TAP2: variants seen among roughly 807,000 people sequenced by gnomAD.
TAP2 encodes antigen peptide transporter 2.
TAP2 carries 49 observed loss-of-function variants against 74.7 expected under a neutral mutation model. The observed-to-expected ratio is 0.66, with a 90% confidence interval of 0.52 to 0.83. TAP2 has a LOEUF of 0.83. Among genes scored for constraint, TAP2 ranks in the 40% least tolerant of loss-of-function variants. The pLI is 0.00. For missense variants in TAP2, 739 were observed against 859.0 expected (o/e 0.86, Z 1.75); for synonymous variants, 306 against 368.4 (o/e 0.83, Z 1.94).
chr6:32,836,244 C>T (rs538160178), intron 3 of TAP2, among the ~76,000 whole-genome samples: 1 of 152,170 alleles, frequency 6.6e-6, no homozygotes, highest in Non-Finnish European at 1.5e-5. Flanking sequence ...ATAATAAATT[C>T]CCTGCCCCCA....
Position 32,832,365 on chromosome 6 carries a change from T to C in TAP2, c.1240A>G (p.Ile414Val). 6.2e-7 allele frequency: 1 copy of C among 1,612,942 alleles called. No individual in the cohort carries two copies. The highest frequency in any genetic ancestry group is 8.5e-7 in the Non-Finnish European group (1 of 1,180,014). Residue 414 changes from isoleucine (I) to valine (V), a missense_variant, in exon 7 of 12, where the codon ATC (isoleucine) becomes GTC (valine). Transcript: ENST00000374897. This position sits in a 1 kb window ranked among gnomAD's most constrained non-coding sequence, Gnocchi z 5.9. ...TAGCTCCCCACGCTCTCCTGGTAGA[T>C]CATAAAGGAAAGCAGGCTGCCCTGG... ...LTQGSLLSFMIYQESVGSYVQ... is the reference protein window; with the variant it reads ...LTQGSLLSFMVYQESVGSYVQ...
In TAP2 at chr6:32,829,506, G is replaced by A. The variant is rs74770812; in HGVS notation, c.1826C>T (p.Ala609Val). ...DVGEKGSQLAAGQKQRLAIAR... is the reference protein window; with the variant it reads ...DVGEKGSQLAVGQKQRLAIAR... ...AATGGCCAGACGTTGTTTCTGTCCC[G>A]CAGCCAGCTGGCTTCCCTTCTCCCC... Residue 609 changes from alanine to valine, a missense_variant, in exon 11 of 12, where the codon GCG (alanine) becomes GTG (valine). Ala to Val is a moderately conservative substitution (Grantham distance 64, BLOSUM62 0). Coordinates refer to ENST00000374897, the MANE Select transcript of TAP2 (RefSeq NM_001290043.2). 2.0e-3 allele frequency: 3,267 copies of A among 1,614,102 alleles called. 33 individuals are homozygous for A. The African/African-American group carries it at 0.031, about 15-fold the overall frequency.
rs535370544 is a variant in TAP2, at chr6:32,833,876, T to C, written c.946-1052A>G. ...GTGATATTGAATAAGTCTCACGAGA[T>C]ATAATGGTTTTAAAAAGGGGAATTC... On this transcript the variant is annotated intron_variant, in intron 5 of 11. Transcript: ENST00000374897. Among the ~76,000 whole-genome samples, 4 of 152,286 alleles carry C rather than the reference T, an allele frequency of 2.6e-5. No homozygotes were observed. The East Asian group carries it at 5.8e-4, about 22-fold the overall frequency.
chr6:32,828,695 CA>C lies in TAP2; in HGVS notation c.*210del. On this transcript the variant is annotated 3_prime_UTR_variant, in exon 12 of 12. Coordinates refer to ENST00000374897, the MANE Select transcript of TAP2 (RefSeq NM_001290043.2). ...AGACAGCCCCCACCCCACCCCACCC[CA>C]CCTCTCTACCCCACCAAAAGCACAC... is the stretch of plus-strand genomic sequence containing the variant. The C allele has an allele frequency of 2.9e-6, 3 of 1,022,270 alleles. No homozygotes were observed. The highest frequency in any genetic ancestry group is 4.9e-5 in the Admixed American group (1 of 20,464). The allele number at this position is 1,022,270 out of a possible 1,614,324, so 63.3% of individuals were successfully genotyped here.
rs1768758056 is a variant in TAP2 at position 32,827,825 on chromosome 6, G to A, written c.*1081C>T. ...ATCATCGTATGTGACACAGAATTTA[G>A]AAAAATGACTTTGTGAAGAATGGCC... On this transcript the variant is annotated 3_prime_UTR_variant, in exon 12 of 12. Coordinates refer to ENST00000374897, the MANE Select transcript of TAP2 (RefSeq NM_001290043.2). The A allele has an allele frequency of 1.2e-6, 1 of 866,828 alleles. No individual in the cohort carries two copies. The highest frequency in any genetic ancestry group is 2.2e-5 in the African/African-American group (1 of 45,556). 53.7% of individuals were successfully genotyped at this position (866,828 alleles called of 1,614,324 possible). A position where few individuals can be genotyped will look rare whatever the true frequency, so the allele number is the denominator to read the frequency against.
At chr6:32,838,497 AC>A (rs529136720) in intron 1 of TAP2, among the ~76,000 whole-genome samples, 155 bp downstream of exon 1, 1 of 124,198 alleles carries the variant, frequency 8.1e-6, no homozygotes, top group Non-Finnish European at 1.7e-5. Context: ...CCGGACCCCC[AC>A]CCCCACCCCC....
chr6:32,836,749 T>C (rs576399077), intron 3 of TAP2, among the ~76,000 whole-genome samples: 2 of 152,370 alleles, frequency 1.3e-5, no homozygotes, highest in African/African-American at 4.8e-5. Flanking sequence ...TCCACCATCT[T>C]ATATGTGGCC....
chr6:32,837,666 A>G lies in TAP2; in HGVS notation c.494-15T>C, dbSNP rs1284982644. The G allele has an allele frequency of 2.5e-6, 4 of 1,614,126 alleles. No individual in the cohort carries two copies. The East Asian group carries it at 6.7e-5, about 27-fold the overall frequency. On this transcript the variant is annotated splice_polypyrimidine_tract_variant and intron_variant, in intron 2 of 11. Coordinates refer to ENST00000374897, the MANE Select transcript of TAP2 (RefSeq NM_001290043.2). ...TAATGTCTCACCTGAAAGAGGCATG[A>G]AAAATAACACAAGAATGTGCTGGTG...
chr6:32,823,142 A>AATCCTGACCTCAGG (rs1266163006), downstream of TAP2, among the ~76,000 whole-genome samples: 7 of 152,074 alleles, frequency 4.6e-5, no homozygotes, highest in African/African-American at 1.7e-4. Flanking sequence ...CTGCCCTCGA[A>AATCCTGACCTCAGG]ATCCTGACCT....
chr6:32,825,601 T>G lies in TAP2; in HGVS notation c.*3305A>C, dbSNP rs1768594442. Reference sequence around the variant, plus strand: ...AACGGATTGCCTATGCAAGAGGAATTAGCAAACCTTGAGAAGGATTGAGAG... The same window carrying G: ...AACGGATTGCCTATGCAAGAGGAATGAGCAAACCTTGAGAAGGATTGAGAG... On this transcript the variant is annotated 3_prime_UTR_variant, in exon 12 of 12. Coordinates refer to ENST00000374897, the MANE Select transcript of TAP2 (RefSeq NM_001290043.2). 1 of 152,234 alleles carries G rather than the reference T, an allele frequency of 6.6e-6. No individual in the cohort carries two copies. The highest frequency in any genetic ancestry group is 1.5e-5 in the Non-Finnish European group (1 of 68,040). 9.4% of individuals were successfully genotyped at this position (152,234 alleles called of 1,614,324 possible).
rs1171018075 is a variant in TAP2, at chr6:32,838,359, TGAGAGC to T, written c.-4-128_-4-123del. On this transcript the variant is annotated intron_variant, in intron 1 of 11. Transcript: ENST00000374897. ...CTTCTCATTTTATCCTATTCAACCCTGAGAGCTCTCCTGAGTAACCGGTGCTCATCC... is the reference window on the plus strand; with the variant it reads ...CTTCTCATTTTATCCTATTCAACCCTTCTCCTGAGTAACCGGTGCTCATCC... The T allele has an allele frequency of 2.9e-3, 3,988 of 1,354,770 alleles. 11 individuals carry two copies. The highest frequency in any genetic ancestry group is 3.6e-3 in the Non-Finnish European group (3,706 of 1,037,860). 83.9% of individuals were successfully genotyped at this position (1,354,770 alleles called of 1,614,324 possible).
At chr6:32,837,474 G>A in intron 3 of TAP2, 63 bp downstream of exon 3, 2 of 1,371,676 alleles carry the variant, frequency 1.5e-6, no homozygotes, top group Non-Finnish European at 1.0e-6. Flanking sequence ...AATGGAGTTA[G>A]GGAAGTGAAG....
chr6:32,831,207 T>G (rs925157520), intron 7 of TAP2, among the ~76,000 whole-genome samples: 2 of 152,160 alleles, frequency 1.3e-5, no homozygotes, highest in African/African-American at 4.8e-5. Context: ...GTTTATCAAG[T>G]GTCTAGGAAA....
Position 32,832,184 on chromosome 6 carries a change from G to C in TAP2, c.1272+149C>G. 2 of 1,050,164 alleles carry C rather than the reference G, an allele frequency of 1.9e-6. No individual in the cohort carries two copies. The highest frequency in any genetic ancestry group is 2.8e-6 in the Non-Finnish European group (2 of 713,966). 65.1% of individuals were successfully genotyped at this position (1,050,164 alleles called of 1,614,324 possible). ...GTAATATTATTTTGTCTCATTTTTG[G>C]CATATGTTTAAAATTCTCCATAGCA... On this transcript the variant is annotated intron_variant, in intron 7 of 11. Coordinates refer to ENST00000374897, the MANE Select transcript of TAP2 (RefSeq NM_001290043.2). This position sits in a 1 kb window ranked among gnomAD's most constrained non-coding sequence, Gnocchi z 5.9.
intron 1 of TAP2, 93 bp downstream of exon 1, chr6:32,838,560 G>A (rs1769604251): frequency 6.2e-6 from 2 of 322,778 alleles, no homozygotes; most frequent in African/African-American, 4.3e-5. Context: ...CTATCGCCGG[G>A]TGCAGAGGGA....
In TAP2 at chr6:32,835,143, T is replaced by C. The variant is rs755156256; in HGVS notation, c.945+11A>G. 7 of 1,611,972 alleles carry C rather than the reference T, an allele frequency of 4.3e-6. No individual in the cohort carries two copies. In the East Asian group the frequency reaches 8.9e-5, roughly 21 times the overall value. ...ATTCTCCCTTTGGGGTTCCCTTACA[T>C]GCACGCTCACCTGATGGCGGGTGTT... On this transcript the variant is annotated intron_variant, in intron 5 of 11. Coordinates refer to ENST00000374897, the MANE Select transcript of TAP2 (RefSeq NM_001290043.2). The surrounding 1 kb of genome is among the most constrained non-coding windows in gnomAD (Gnocchi z 4.0).
intron 1 of TAP2, among the ~76,000 whole-genome samples, 154 bp downstream of exon 1, chr6:32,838,499 C>A (rs1276847910): frequency 6.6e-6 from 1 of 151,896 alleles, no homozygotes; most frequent in Non-Finnish European, 1.5e-5. Flanking sequence ...GGACCCCCAC[C>A]CCCACCCCCG....
chr6:32,832,177 AT>A lies in TAP2; in HGVS notation c.1272+155del. On this transcript the variant is annotated intron_variant, in intron 7 of 11. Transcript: ENST00000374897. This position sits in a 1 kb window ranked among gnomAD's most constrained non-coding sequence, Gnocchi z 5.9. ...TGAGTTTGTAATATTATTTTGTCTC[AT>A]TTTTGGCATATGTTTAAAATTCTCC... The A allele has an allele frequency of 9.9e-7, 1 of 1,007,306 alleles. No homozygotes were observed. Among genetic ancestry groups the A allele is most frequent in the Non-Finnish European group, 1.5e-6 (1 of 677,854 alleles). The allele number at this position is 1,007,306 out of a possible 1,614,324, so 62.4% of individuals were successfully genotyped here.
rs1228486909 is a variant in TAP2 at position 32,832,513 on chromosome 6, C to T, written c.1144-52G>A. ...GCTGGGAATCTTCCCATTCTTTCCC[C>T]CTCTCTGCCTCTATGAGACTGAGCT... On this transcript the variant is annotated intron_variant, in intron 6 of 11. Coordinates refer to ENST00000374897, the MANE Select transcript of TAP2 (RefSeq NM_001290043.2). This position sits in a 1 kb window ranked among gnomAD's most constrained non-coding sequence, Gnocchi z 5.9. 1 of 1,610,486 alleles carries T rather than the reference C, an allele frequency of 6.2e-7. No individual in the cohort carries two copies. The highest frequency in any genetic ancestry group is 1.7e-5 in the Admixed American group (1 of 59,392).
Sources: allele counts gnomAD v4.1 joint callset (sites outside exome capture counted in the v4.1 genomes callset), GRCh38; gene constraint gnomAD v4.1.1; non-coding constraint Gnocchi (gnomAD v3.1); transcripts MANE v1.5; gene names NCBI Gene and HGNC (gene_info 2026-07-23, HGNC 2026-07-21).